GPN3: variants seen among roughly 807,000 people sequenced by gnomAD.
GPN3 encodes the protein GPN-loop GTPase 3, also known as ATP-binding domain 1 family member C.
In GPN3, 31 loss-of-function variants were observed where a neutral mutation model predicts 38.7. That is an observed-to-expected ratio of 0.80 (90% confidence interval 0.60 to 1.08). GPN3 has a LOEUF of 1.08. Among genes scored for constraint, GPN3 ranks in the 50% least tolerant of loss-of-function variants. The probability of loss-of-function intolerance (pLI) is 0.00; values close to 1 mark genes in which losing one functional copy is unlikely to be tolerated. For synonymous variants in GPN3, 116 were observed against 120.2 expected (o/e 0.96, Z 0.23); for missense variants, 301 against 354.4 (o/e 0.85, Z 1.21).
At chr12:110,467,799 G>C (rs971051630) in intron 1 of GPN3, among the ~76,000 whole-genome samples, 1 of 152,150 alleles carries the variant, frequency 6.6e-6, no homozygotes, top group African/African-American at 2.4e-5. Context: ...CCGGATTCTG[G>C]AGTTGAGACA....
intron 5 of GPN3, 27 bp from the exon 6 acceptor site, chr12:110,455,709 T>C: frequency 9.5e-7 from 1 of 1,052,384 alleles, no homozygotes. Flanking sequence ...GACTGATGAA[T>C]TCAGGAGACT....
At chr12:110,457,712 C>G in intron 3 of GPN3, 78 bp from the exon 4 acceptor site, 5 of 1,082,640 alleles carry the variant, frequency 4.6e-6, no homozygotes, top group Non-Finnish European at 6.5e-6. Context: ...AAATTTTCCC[C>G]ATAAGATGGA....
At chr12:110,455,103 C>T (rs1566301621) in intron 6 of GPN3, among the ~76,000 whole-genome samples, 1 of 151,502 alleles carries the variant, frequency 6.6e-6, no homozygotes, top group South Asian at 2.1e-4. Flanking sequence ...GGATTACAGG[C>T]GTAAGTCACC....
chr12:110,467,727 C>A (rs574914842), intron 1 of GPN3, among the ~76,000 whole-genome samples: 2 of 152,142 alleles, frequency 1.3e-5, no homozygotes, highest in Non-Finnish European at 2.9e-5. Flanking sequence ...AGTCCATGTC[C>A]CAAGTTCTGA....
chr12:110,457,457 CAAAAA>C (rs56713819), intron 4 of GPN3, 48 bp downstream of exon 4: 4,803 of 587,702 alleles, frequency 8.2e-3, no homozygotes, highest in Middle Eastern at 0.017. Context: ...GTCACACACA[CAAAAA>C]AAAAAAAAAA....
intron 7 of GPN3, 135 bp from the exon 8 acceptor site, chr12:110,453,231 G>A (rs1592959462): frequency 5.6e-6 from 3 of 534,822 alleles, no homozygotes; most frequent in South Asian, 2.5e-5. Flanking sequence ...GCTGCTTATA[G>A]GTAACTGTTA....
intron 2 of GPN3, chr12:110,460,898 A>G: frequency 1.4e-6 from 1 of 695,926 alleles, no homozygotes; most frequent in East Asian, 2.6e-5. Flanking sequence ...CAGCAGGCAG[A>G]GGTTGCAGTG....
intron 2 of GPN3, chr12:110,461,477 G>T: frequency 1.9e-6 from 1 of 524,398 alleles, no homozygotes; most frequent in Non-Finnish European, 3.4e-6. Context: ...GCATGTGCCT[G>T]TAATCCCAGC....
intron 2 of GPN3, among the ~76,000 whole-genome samples, chr12:110,462,716 T>C (rs1173977943): frequency 6.6e-6 from 1 of 151,822 alleles, no homozygotes; most frequent in Non-Finnish European, 1.5e-5. Flanking sequence ...GCCTCCAGAG[T>C]AGCTGGGATT....
upstream of GPN3, chr12:110,468,641 A>G (rs955129203): frequency 4.6e-6 from 7 of 1,536,986 alleles, no homozygotes; most frequent in African/African-American, 8.2e-5. Flanking sequence ...GAGCATGTAT[A>G]TTTCCCTCCT....
In GPN3 at chr12:110,458,720, G is replaced by C. The variant is rs2062566657; in HGVS notation, c.325+975C>G. ...ACTTGAACCCAGGAAGTGGAGACTG[G>C]AGTGAGCCGAGATGGCGCCATCATA... On this transcript the variant is annotated intron_variant, in intron 3 of 7. Transcript: ENST00000228827. This position sits in a 1 kb window ranked among gnomAD's most constrained non-coding sequence, Gnocchi z 4.4. 6.6e-6 allele frequency among the ~76,000 whole-genome samples: 1 copy of C among 151,760 alleles called. No individual in the cohort carries two copies. Among genetic ancestry groups the C allele is most frequent in the Non-Finnish European group, 1.5e-5 (1 of 67,972 alleles).
chr12:110,468,444 C>T (rs779557308), upstream of GPN3: 32 of 1,535,010 alleles, frequency 2.1e-5, no homozygotes, highest in African/African-American at 3.6e-4. Context: ...GGAAATCGGC[C>T]GTTGGGATGC....
In GPN3 at chr12:110,452,792, T is replaced by C. The variant is rs547906920; in HGVS notation, c.*242A>G. 369 of 421,216 alleles carry C rather than the reference T, an allele frequency of 8.8e-4. 3 individuals carry two copies. Among genetic ancestry groups the C allele is most frequent in the Admixed American group, 2.9e-3 (73 of 25,518 alleles). 26.1% of individuals were successfully genotyped at this position (421,216 alleles called of 1,614,324 possible). A position where few individuals can be genotyped will look rare whatever the true frequency, so the allele number is the denominator to read the frequency against. Reference sequence around the variant, plus strand: ...TAATTTATATATAAATCTATGTGCATTCATTTCAATTTTGACTTACAAAAT... The same window carrying C: ...TAATTTATATATAAATCTATGTGCACTCATTTCAATTTTGACTTACAAAAT... On this transcript the variant is annotated 3_prime_UTR_variant, in exon 8 of 8. Coordinates refer to ENST00000228827, the MANE Select transcript of GPN3 (RefSeq NM_016301.4).
chr12:110,457,027 C>A (rs2062554973), intron 4 of GPN3, among the ~76,000 whole-genome samples: 1 of 151,950 alleles, frequency 6.6e-6, no homozygotes, highest in Admixed American at 6.6e-5. Context: ...TAAGCAGTTC[C>A]TCCTAAATCT....
At chr12:110,454,093 A>G (rs1195447651) in intron 6 of GPN3, among the ~76,000 whole-genome samples, 1 of 152,188 alleles carries the variant, frequency 6.6e-6, no homozygotes, top group Non-Finnish European at 1.5e-5. Context: ...CTTTAACTAG[A>G]CACTGTTTCA....
At chr12:110,467,784 C>T (rs2062645480) in intron 1 of GPN3, among the ~76,000 whole-genome samples, 1 of 152,182 alleles carries the variant, frequency 6.6e-6, no homozygotes, top group Non-Finnish European at 1.5e-5. Context: ...GGGAGCGAGA[C>T]AGGGCCGGAT....
chr12:110,459,325 C>G (rs1323699873), intron 3 of GPN3, among the ~76,000 whole-genome samples: 2 of 151,668 alleles, frequency 1.3e-5, no homozygotes, highest in Non-Finnish European at 2.9e-5. Context: ...ACTGCAAGCT[C>G]CACCTCCCAG....
At chr12:110,462,537 C>T (rs1450638118) in intron 2 of GPN3, among the ~76,000 whole-genome samples, 1 of 152,222 alleles carries the variant, frequency 6.6e-6, no homozygotes, top group Non-Finnish European at 1.5e-5. Flanking sequence ...CGTGACCACC[C>T]TAGTCCTGGT....
intron 6 of GPN3, 71 bp downstream of exon 6, chr12:110,455,515 C>T: frequency 1.4e-6 from 1 of 717,894 alleles, no homozygotes; most frequent in Non-Finnish European, 2.5e-6. Context: ...CTGCCTTGGC[C>T]TGCCAAAGTG....
Sources: gnomAD v4.1 joint callset for allele counts (sites outside exome capture counted in the v4.1 genomes callset) on GRCh38, gnomAD v4.1.1 for gene constraint, Gnocchi (gnomAD v3.1) non-coding constraint, MANE v1.5 for transcripts, NCBI Gene and HGNC (gene_info 2026-07-23, HGNC 2026-07-21) for gene names.